Variants in SLC26A11 observed in about 807,000 individuals in gnomAD.
The protein encoded by SLC26A11 is solute carrier family 26 member 11, also known as sodium-independent sulfate anion transporter.
In SLC26A11, 58 loss-of-function variants were observed where a neutral mutation model predicts 62.2. That is an observed-to-expected ratio of 0.93 (90% CI 0.76 to 1.16). The LOEUF (loss-of-function observed/expected upper bound fraction) is 1.16, where lower values mean the gene tolerates loss of function less well. Ranked by LOEUF, SLC26A11 falls within the 50% of genes most tolerant of loss-of-function variation. The pLI, the probability that SLC26A11 is intolerant of heterozygous loss-of-function variation, is 0.00. For missense variants in SLC26A11, 790 were observed against 794.3 expected (o/e 0.99, Z 0.06); for synonymous variants, 411 against 368.9 (o/e 1.11, Z -1.31).
In SLC26A11 at chr17:80,240,213, A is replaced by G. The variant is rs373904351; in HGVS notation, c.986-1558A>G. Among the ~76,000 whole-genome samples the G allele has an allele frequency of 2.0e-4, 31 of 152,024 alleles. No individual in the cohort carries two copies. The South Asian group carries it at 6.0e-3, about 30-fold the overall frequency. The stretch of plus-strand genomic sequence containing the variant: ...AAACCCCGTCTCTACTAAAAATACA[A>G]AAAATTAGCCAGGCGTGGTGGCGGG... On this transcript the variant is annotated intron_variant, in intron 9 of 17. Transcript: ENST00000361193.
chr17:80,236,537 C>T (rs957519709), intron 7 of SLC26A11, among the ~76,000 whole-genome samples: 1 of 152,204 alleles, frequency 6.6e-6, no homozygotes, highest in Admixed American at 6.5e-5. Context: ...CCATCATGTC[C>T]ACTGTCCCGC....
rs2042235131 is a variant in SLC26A11 at position 80,222,227 on chromosome 17, T to G, written c.235-428T>G. On this transcript the variant is annotated intron_variant, in intron 3 of 17. Coordinates refer to ENST00000361193, the MANE Select transcript of SLC26A11 (RefSeq NM_001166347.2). The surrounding 1 kb of genome is among the most constrained non-coding windows in gnomAD (Gnocchi z 4.7). ...CCGTCTCTACTAAAAATACAAAAAA[T>G]TAGCCAGGTGTGGTGGCGGGTGCCT... 5.3e-6 allele frequency: 1 copy of G among 190,136 alleles called. No individual in the cohort carries two copies. The highest frequency in any genetic ancestry group is 1.4e-4 in the South Asian group (1 of 7,378). 11.8% of individuals were successfully genotyped at this position (190,136 alleles called of 1,614,324 possible). A position where few individuals can be genotyped will look rare whatever the true frequency, so the allele number is the denominator to read the frequency against.
intron 5 of SLC26A11, among the ~76,000 whole-genome samples, chr17:80,224,388 TGAGTGTATGAGTGTGA>T (rs2042333949): frequency 6.8e-6 from 1 of 148,026 alleles, no homozygotes; most frequent in African/African-American, 2.5e-5. Context: ...CGCGCGTGTG[TGAGTGTATGAGTGTGA>T]GAGTGAGTGT....
chr17:80,249,294 G>A lies in SLC26A11; in HGVS notation c.1656+7G>A, dbSNP rs1323685973. ...GGCCTTTGTGGGCCTGCAGGTGGGT[G>A]TGCACTGGGCTGCCTTAGGGGTTAG... On this transcript the variant is annotated splice_region_variant and intron_variant, in intron 16 of 17. Transcript: ENST00000361193. The A allele has an allele frequency of 6.2e-7, 1 of 1,609,276 alleles. No individual in the cohort carries two copies. The highest frequency in any genetic ancestry group is 1.3e-5 in the African/African-American group (1 of 75,018).
At chr17:80,234,852 C>CTTTTTTTTTT (rs558869151) in intron 7 of SLC26A11, among the ~76,000 whole-genome samples, 5 of 135,966 alleles carry the variant, frequency 3.7e-5, no homozygotes, top group African/African-American at 2.7e-5. Context: ...CTTTTTTTTT[C>CTTTTTTTTTT]TTTTTTTTTT....
At chr17:80,238,574 C>T (rs974985191) in intron 9 of SLC26A11, among the ~76,000 whole-genome samples, 2 of 152,124 alleles carry the variant, frequency 1.3e-5, no homozygotes, top group Non-Finnish European at 2.9e-5. Context: ...GTCCTTCACT[C>T]GCTCCACTCC....
chr17:80,223,871 A>G lies in SLC26A11; in HGVS notation c.513+534A>G, dbSNP rs2042292589. Reference sequence around the variant, plus strand: ...AAAATCAGTCATCAGCTGAGGGTGTAATTTATTCTGTTTTTGCTGGGTTGT... The same window carrying G: ...AAAATCAGTCATCAGCTGAGGGTGTGATTTATTCTGTTTTTGCTGGGTTGT... On this transcript the variant is annotated intron_variant, in intron 5 of 17. Transcript: ENST00000361193. This position sits in a 1 kb window ranked among gnomAD's most constrained non-coding sequence, Gnocchi z 4.6. 6.6e-6 allele frequency among the ~76,000 whole-genome samples: 1 copy of G among 152,068 alleles called. No individual in the cohort carries two copies. The highest frequency in any genetic ancestry group is 1.5e-5 in the Non-Finnish European group (1 of 68,024).
chr17:80,236,986 T>C lies in SLC26A11; in HGVS notation c.795T>C (p.Thr265=). Reference sequence around the variant, plus strand: ...TGGTTGCGTACTCCTTCGAGGTGACTGGATACCAGCCTTTCATCCTAACAG... The same window carrying C: ...TGGTTGCGTACTCCTTCGAGGTGACCGGATACCAGCCTTTCATCCTAACAG... ...AALVAYSFEV[T]GYQPFILTGE... Residue 265 remains threonine, a synonymous_variant, in exon 8 of 18, where the codon ACT becomes ACC. Coordinates refer to ENST00000361193, the MANE Select transcript of SLC26A11 (RefSeq NM_001166347.2). The C allele has an allele frequency of 6.2e-7, 1 of 1,614,130 alleles. No individual in the cohort carries two copies. Among genetic ancestry groups the C allele is most frequent in the African/African-American group, 1.3e-5 (1 of 75,048 alleles).
In SLC26A11 at chr17:80,253,478, TAATA is replaced by T. The variant is rs1039003300; in HGVS notation, c.*767_*770del. ...ATTTGCAGTGAATTATTTATTGTGA[TAATA>T]AATAGCATTAGAATACAAGATTTTT... On this transcript the variant is annotated 3_prime_UTR_variant, in exon 18 of 18. Coordinates refer to ENST00000361193, the MANE Select transcript of SLC26A11 (RefSeq NM_001166347.2). 1 of 152,308 alleles carries T rather than the reference TAATA, an allele frequency of 6.6e-6. No homozygotes were observed. The highest frequency in any genetic ancestry group is 2.4e-5 in the African/African-American group (1 of 41,556). 9.4% of individuals were successfully genotyped at this position (152,308 alleles called of 1,614,324 possible). A position where few individuals can be genotyped will look rare whatever the true frequency, so the allele number is the denominator to read the frequency against.
chr17:80,237,656 G>A lies in SLC26A11; in HGVS notation c.985+62G>A, dbSNP rs2042736727. On this transcript the variant is annotated intron_variant, in intron 9 of 17. Coordinates refer to ENST00000361193, the MANE Select transcript of SLC26A11 (RefSeq NM_001166347.2). ...TGCGCCGGCTGGGCTAGGCCTGCCT[G>A]CTTTCTAGCTTGCCTTTATCCGTTA... 8.6e-6 allele frequency: 13 copies of A among 1,504,242 alleles called. No individual in the cohort carries two copies. The South Asian group carries it at 1.4e-4, about 16-fold the overall frequency. 93.2% of individuals were successfully genotyped at this position (1,504,242 alleles called of 1,614,324 possible).
rs8064518 is a variant in SLC26A11, at chr17:80,249,304, C to A, written c.1656+17C>A. 1,232,737 of 1,607,024 alleles carry A rather than the reference C, an allele frequency of 0.77. 475,644 individuals are homozygous for A. The highest frequency in any genetic ancestry group is 0.99 in the East Asian group (44,471 of 44,862). On this transcript the variant is annotated intron_variant, in intron 16 of 17. Coordinates refer to ENST00000361193, the MANE Select transcript of SLC26A11 (RefSeq NM_001166347.2). ...GGCCTGCAGGTGGGTGTGCACTGGG[C>A]TGCCTTAGGGGTTAGCAGCTGCCGG... is the stretch of plus-strand genomic sequence containing the variant.
rs1437304656 is a variant in SLC26A11 at position 80,228,839 on chromosome 17, A to G, written c.736+879A>G. Among the ~76,000 whole-genome samples the G allele has an allele frequency of 2.6e-5, 4 of 152,226 alleles. No homozygotes were observed. Among genetic ancestry groups the G allele is most frequent in the Non-Finnish European group, 5.9e-5 (4 of 68,036 alleles). On this transcript the variant is annotated intron_variant, in intron 7 of 17. Transcript: ENST00000361193. The surrounding 1 kb of genome is among the most constrained non-coding windows in gnomAD (Gnocchi z 4.1). The stretch of plus-strand genomic sequence containing the variant: ...CTTCAGCTTCAGGCGCGGAGGCTGC[A>G]GGCTGAGCCACAACCAACCAGGGGT...
Position 80,222,981 on chromosome 17 carries a change from G to T in SLC26A11, c.427+134G>T. On this transcript the variant is annotated intron_variant, in intron 4 of 17. Coordinates refer to ENST00000361193, the MANE Select transcript of SLC26A11 (RefSeq NM_001166347.2). The surrounding 1 kb of genome is among the most constrained non-coding windows in gnomAD (Gnocchi z 4.7). ...TGTATGTGTGTGTGTGTAGGTGGGTGGGTGGTGGAGGGGGTGGGGCACTTG... is the reference window on the plus strand; with the variant it reads ...TGTATGTGTGTGTGTGTAGGTGGGTTGGTGGTGGAGGGGGTGGGGCACTTG... 1 of 897,818 alleles carries T rather than the reference G, an allele frequency of 1.1e-6. No individual in the cohort carries two copies. Among genetic ancestry groups the T allele is most frequent in the Admixed American group, 2.5e-5 (1 of 39,270 alleles). The allele number at this position is 897,818 out of a possible 1,614,324, so 55.6% of individuals were successfully genotyped here.
chr17:80,231,814 TA>T (rs2042573403), intron 7 of SLC26A11, among the ~76,000 whole-genome samples: 1 of 152,246 alleles, frequency 6.6e-6, no homozygotes, highest in Non-Finnish European at 1.5e-5. Flanking sequence ...CTTAGTGATT[TA>T]AATCTGTTTT....
At chr17:80,249,407 C>A in intron 16 of SLC26A11, 120 bp downstream of exon 16, 1 of 1,315,344 alleles carries the variant, frequency 7.6e-7, no homozygotes, top group Non-Finnish European at 1.0e-6. Flanking sequence ...TCGGCCGGTG[C>A]TGGCTCTGCT....
At position 80,228,660 on chromosome 17, in the gene SLC26A11, G is replaced by C. The variant is rs189581466; in HGVS notation, c.736+700G>C. ...GGAATGCCACTAAGCCCCTGACGGCGCACAGCCTTCCACAGCAAACAGTGA... is the reference window on the plus strand; with the variant it reads ...GGAATGCCACTAAGCCCCTGACGGCCCACAGCCTTCCACAGCAAACAGTGA... On this transcript the variant is annotated intron_variant, in intron 7 of 17. Coordinates refer to ENST00000361193, the MANE Select transcript of SLC26A11 (RefSeq NM_001166347.2). This position sits in a 1 kb window ranked among gnomAD's most constrained non-coding sequence, Gnocchi z 4.1. Among the ~76,000 whole-genome samples, 1 of 152,246 alleles carries C rather than the reference G, an allele frequency of 6.6e-6. No individual in the cohort carries two copies. The highest frequency in any genetic ancestry group is 1.5e-5 in the Non-Finnish European group (1 of 68,044).
chr17:80,245,053 T>G (rs1598835796), intron 10 of SLC26A11, 143 bp from the exon 11 acceptor site: 1 of 637,868 alleles, frequency 1.6e-6, no homozygotes, highest in Non-Finnish European at 2.8e-6. Flanking sequence ...CCTGAAGGAG[T>G]GCGTAGGCCC....
In SLC26A11 at chr17:80,222,815, G is replaced by A. The variant is rs775474106; in HGVS notation, c.395G>A (p.Cys132Tyr). The change falls in exon 4 of 18, where the codon TGC (cysteine) becomes TAC (tyrosine). Residue 132 changes from cysteine (C) to tyrosine (Y), a missense_variant. Transcript: ENST00000361193. The surrounding 1 kb of genome is among the most constrained non-coding windows in gnomAD (Gnocchi z 4.7). Reference protein sequence around the residue: ...YAVLLAFLSGCIQLAMGVLRL... With the variant: ...YAVLLAFLSGYIQLAMGVLRL... ...GTGCTGCTGGCCTTCCTGTCCGGCT[G>A]CATCCAGCTGGCCATGGGGGTCCTG... 9.9e-6 allele frequency: 16 copies of A among 1,614,188 alleles called. 1 individual carries two copies. The South Asian group carries it at 1.8e-4, about 18-fold the overall frequency.
In SLC26A11 at chr17:80,222,578, G is replaced by A. The variant is rs959851530; in HGVS notation, c.235-77G>A. On this transcript the variant is annotated intron_variant, in intron 3 of 17. Coordinates refer to ENST00000361193, the MANE Select transcript of SLC26A11 (RefSeq NM_001166347.2). The surrounding 1 kb of genome is among the most constrained non-coding windows in gnomAD (Gnocchi z 4.7). ...GACACAGCTGACACCCACACATCCC[G>A]AGCTTGGACACGCACACTAGGGAGC... 15 of 1,450,406 alleles carry A rather than the reference G, an allele frequency of 1.0e-5. No homozygotes were observed. Among genetic ancestry groups the A allele is most frequent in the Admixed American group, 1.8e-5 (1 of 56,938 alleles). The allele number at this position is 1,450,406 out of a possible 1,614,324, so 89.8% of individuals were successfully genotyped here.
Sources: allele counts gnomAD v4.1 joint callset (sites outside exome capture counted in the v4.1 genomes callset), GRCh38; gene constraint gnomAD v4.1.1; non-coding constraint Gnocchi (gnomAD v3.1); transcripts MANE v1.5; gene names NCBI Gene and HGNC (gene_info 2026-07-23, HGNC 2026-07-21).